The following CD2AP variants were observed in gnomAD, a reference collection of about 807,000 sequenced individuals.
CD2AP encodes the protein CD2 associated protein, also known as CD2-associated protein.
Under a neutral mutation model 85.1 loss-of-function variants are expected in CD2AP, and 46 were observed. The ratio of observed to expected loss-of-function variants is 0.54; its 90% CI spans 0.43 to 0.69. The LOEUF is 0.69. Among genes scored for constraint, CD2AP ranks in the 30% least tolerant of loss-of-function variants. CD2AP has a pLI of 0.00. For missense variants in CD2AP, 769 were observed against 729.5 expected, an observed-to-expected ratio of 1.05 and a Z score of -0.62; for synonymous variants, 255 against 252.9, an observed-to-expected ratio of 1.01 and a Z score of -0.08.
At chr6:47,604,268 G>C (rs552441923) in intron 13 of CD2AP, among the ~76,000 whole-genome samples, 1 of 152,104 alleles carries the variant, frequency 6.6e-6, no homozygotes, top group East Asian at 1.9e-4. Context: ...ATTTAGATAT[G>C]TCATGAGTCC....
At chr6:47,591,058 A>G (rs1279525451) in intron 11 of CD2AP, among the ~76,000 whole-genome samples, 1 of 152,230 alleles carries the variant, frequency 6.6e-6, no homozygotes, top group Non-Finnish European at 1.5e-5. Flanking sequence ...GAAACAGCAC[A>G]AATGTTCAAC....
chr6:47,571,757 G>A (rs1261499699), intron 5 of CD2AP, among the ~76,000 whole-genome samples: 1 of 152,114 alleles, frequency 6.6e-6, no homozygotes, highest in East Asian at 1.9e-4. Context: ...CAAGAATTGA[G>A]TTCTTTCTCT....
chr6:47,492,611 G>A (rs1176744051), intron 1 of CD2AP, among the ~76,000 whole-genome samples: 1 of 152,080 alleles, frequency 6.6e-6, no homozygotes, highest in Non-Finnish European at 1.5e-5. Context: ...TTACAGGTGT[G>A]AGCTACTGTG....
chr6:47,538,096 A>G (rs1248814576), intron 3 of CD2AP, among the ~76,000 whole-genome samples: 2 of 152,094 alleles, frequency 1.3e-5, no homozygotes, highest in Admixed American at 1.3e-4. Flanking sequence ...GCTGATTGAT[A>G]CATATGTCAT....
chr6:47,609,069 C>T (rs929770163), intron 15 of CD2AP, 54 bp from the exon 16 acceptor site: 118 of 1,322,762 alleles, frequency 8.9e-5, no homozygotes, highest in Non-Finnish European at 1.1e-4. Context: ...TAAAATCTTT[C>T]GAACGTAAAT....
At chr6:47,551,719 G>A (rs1176748852) in intron 4 of CD2AP, among the ~76,000 whole-genome samples, 1 of 152,072 alleles carries the variant, frequency 6.6e-6, no homozygotes, top group Non-Finnish European at 1.5e-5. Flanking sequence ...TGGCTTGTGT[G>A]GGGCCCTTAG....
chr6:47,573,800 C>A (rs1562038701), intron 5 of CD2AP, among the ~76,000 whole-genome samples: 1 of 152,058 alleles, frequency 6.6e-6, no homozygotes, highest in Middle Eastern at 3.4e-3. Flanking sequence ...TTTTTAAGGA[C>A]CTCGTATGAC....
At position 47,582,060 on chromosome 6, in the gene CD2AP, A is replaced by G; in HGVS notation, c.1103A>G (p.Glu368Gly). ...EKKYFSLKPEEKDEKSTLEQK... is the reference protein window; with the variant it reads ...EKKYFSLKPEGKDEKSTLEQK... ...AAATATTTTTCTTTAAAGCCTGAAG[A>G]AAAGGGTGAGGCTAATTTTCAACTT... The change falls in exon 11 of 18, where the codon GAA becomes GGA. Residue 368 changes from glutamate (E) to glycine (G), a missense_variant. Transcript: ENST00000359314. The G allele has an allele frequency of 6.3e-7, 1 of 1,587,936 alleles. No homozygotes were observed. Among genetic ancestry groups the G allele is most frequent in the Non-Finnish European group, 8.6e-7 (1 of 1,156,356 alleles).
intron 1 of CD2AP, among the ~76,000 whole-genome samples, chr6:47,500,823 T>C (rs4711879): frequency 0.95 from 144,222 of 151,452 alleles, 69,058 homozygotes; most frequent in East Asian, 1. Flanking sequence ...CTTGGCTCAC[T>C]GCAACCTCCG....
chr6:47,502,380 A>G (rs1230231753), intron 1 of CD2AP, among the ~76,000 whole-genome samples: 2 of 151,806 alleles, frequency 1.3e-5, no homozygotes, highest in Non-Finnish European at 2.9e-5. Flanking sequence ...TGGGTCAAGC[A>G]GTGCTCCAAA....
chr6:47,500,657 T>C (rs1765974162), intron 1 of CD2AP, among the ~76,000 whole-genome samples: 2 of 152,184 alleles, frequency 1.3e-5, no homozygotes, highest in South Asian at 4.1e-4. Context: ...AAGTATCCGC[T>C]GTTTTTCTGG....
At chr6:47,610,971 A>ATTTT (rs11331165) in intron 16 of CD2AP, among the ~76,000 whole-genome samples, 11 of 112,900 alleles carry the variant, frequency 9.7e-5, no homozygotes, top group African/African-American at 2.9e-4. Flanking sequence ...ATATATATGT[A>ATTTT]TTTTTTTTTT....
At chr6:47,622,750 G>A (rs973565704) in intron 17 of CD2AP, among the ~76,000 whole-genome samples, 32 of 152,258 alleles carry the variant, frequency 2.1e-4, no homozygotes, top group African/African-American at 7.7e-4. Flanking sequence ...CGGTCCTCTC[G>A]GGATTGCTGG....
intron 17 of CD2AP, among the ~76,000 whole-genome samples, chr6:47,613,657 A>G (rs568555077): frequency 6.6e-6 from 1 of 152,288 alleles, no homozygotes; most frequent in East Asian, 1.9e-4. Flanking sequence ...TTAAGGGCCA[A>G]GGATTTTCAG....
At chr6:47,498,240 T>G (rs1475245141) in intron 1 of CD2AP, among the ~76,000 whole-genome samples, 2 of 152,216 alleles carry the variant, frequency 1.3e-5, no homozygotes, top group African/African-American at 4.8e-5. Flanking sequence ...ATGCAATTAA[T>G]TTTCCTTCAA....
chr6:47,491,467 A>G (rs1765733474), intron 1 of CD2AP, among the ~76,000 whole-genome samples: 1 of 152,062 alleles, frequency 6.6e-6, no homozygotes, highest in African/African-American at 2.4e-5. Flanking sequence ...AATAAAGGTT[A>G]ACACTCAATA....
chr6:47,513,729 T>G (rs1220675248), intron 2 of CD2AP, among the ~76,000 whole-genome samples: 1 of 152,114 alleles, frequency 6.6e-6, no homozygotes, highest in Non-Finnish European at 1.5e-5. Flanking sequence ...CTATTAGAAC[T>G]TCAGTAAACA....
chr6:47,522,536 A>G (rs1408455822), intron 2 of CD2AP, among the ~76,000 whole-genome samples: 2 of 152,226 alleles, frequency 1.3e-5, no homozygotes, highest in Non-Finnish European at 2.9e-5. Context: ...TAAATTTAAA[A>G]TGAAATTTTG....
At chr6:47,509,437 T>TAA (rs35054815) in intron 2 of CD2AP, among the ~76,000 whole-genome samples, 209 of 146,614 alleles carry the variant, frequency 1.4e-3, no homozygotes, top group Middle Eastern at 3.6e-3. Context: ...CTTCAATTTG[T>TAA]AAAAAAAAAA....
Sources: gnomAD v4.1 joint callset for allele counts (sites outside exome capture counted in the v4.1 genomes callset) on GRCh38, gnomAD v4.1.1 for gene constraint, MANE v1.5 for transcripts, NCBI Gene and HGNC (gene_info 2026-07-23, HGNC 2026-07-21) for gene names.